Variants in SLC4A10 observed in about 807,000 individuals in gnomAD.
SLC4A10 encodes sodium-driven chloride bicarbonate exchanger.
In SLC4A10, 42 loss-of-function variants were observed where a neutral mutation model predicts 137.7. The observed-to-expected ratio is 0.30, with a 90% confidence interval of 0.24 to 0.39. SLC4A10 has a LOEUF of 0.39. Ranked by LOEUF, SLC4A10 falls within the 10% of genes least tolerant of loss-of-function variation. The pLI is 1.00. For missense variants in SLC4A10, 925 were observed against 1,355.0 expected, an observed-to-expected ratio of 0.68 and a Z score of 4.98; for synonymous variants, 474 against 464.1, an observed-to-expected ratio of 1.02 and a Z score of -0.27.
At chr2:161,720,738 T>A (rs1401078132) in intron 1 of SLC4A10, among the ~76,000 whole-genome samples, 2 of 152,202 alleles carry the variant, frequency 1.3e-5, no homozygotes, top group East Asian at 3.9e-4. Context: ...TTGGTAAATT[T>A]TCCTCCATCC....
chr2:161,945,182 G>GTGTGTATATATA (rs1185711774), intron 16 of SLC4A10, among the ~76,000 whole-genome samples: 1 of 88,856 alleles, frequency 1.1e-5, no homozygotes, highest in Non-Finnish European at 2.1e-5. Flanking sequence ...AAGTTTGTGT[G>GTGTGTATATATA]TATATATATA....
chr2:161,689,170 TAAGA>T (rs1386174207), intron 1 of SLC4A10, among the ~76,000 whole-genome samples: 1 of 152,138 alleles, frequency 6.6e-6, no homozygotes, highest in Non-Finnish European at 1.5e-5. Context: ...AAGCTAAGGT[TAAGA>T]AAGAAAGAGT....
At chr2:161,939,685 G>A (rs2105735270) in intron 15 of SLC4A10, among the ~76,000 whole-genome samples, 1 of 151,632 alleles carries the variant, frequency 6.6e-6, no homozygotes, top group African/African-American at 2.4e-5. Context: ...TGTAACCATG[G>A]GTAAGTGTTA....
At chr2:161,839,100 C>T (rs1353676218) in intron 3 of SLC4A10, among the ~76,000 whole-genome samples, 2 of 152,226 alleles carry the variant, frequency 1.3e-5, no homozygotes, top group Admixed American at 6.5e-5. Flanking sequence ...AAGAGTGGTA[C>T]ATTCCTGCAA....
At chr2:161,976,434 T>C (rs997425431) in intron 24 of SLC4A10, among the ~76,000 whole-genome samples, 3 of 152,168 alleles carry the variant, frequency 2.0e-5, no homozygotes, top group Admixed American at 6.5e-5. Flanking sequence ...AGTGGAATTA[T>C]AGTTGCCAGG....
intron 1 of SLC4A10, among the ~76,000 whole-genome samples, chr2:161,665,902 G>A (rs1279890249): frequency 6.7e-6 from 1 of 148,360 alleles, no homozygotes; most frequent in African/African-American, 2.5e-5. Context: ...TCAAATTCAG[G>A]TCTTTTTGTG....
intron 1 of SLC4A10, among the ~76,000 whole-genome samples, chr2:161,647,287 C>T (rs935086525): frequency 6.6e-6 from 1 of 151,974 alleles, no homozygotes; most frequent in African/African-American, 2.4e-5. Context: ...TCAGGTATTT[C>T]AGCCTGTCAG....
intron 1 of SLC4A10, among the ~76,000 whole-genome samples, chr2:161,658,050 A>G (rs547366188): frequency 6.6e-6 from 1 of 152,160 alleles, no homozygotes; most frequent in Non-Finnish European, 1.5e-5. Flanking sequence ...GACACAATTT[A>G]TCACTTATTT....
rs1576019758 is a variant in SLC4A10, at chr2:161,985,255, C to T, written c.*2103C>T. The T allele has an allele frequency of 6.6e-6, 1 of 152,100 alleles. No individual in the cohort carries two copies. The highest frequency in any genetic ancestry group is 1.5e-5 in the Non-Finnish European group (1 of 67,910). 9.4% of individuals were successfully genotyped at this position (152,100 alleles called of 1,614,324 possible). A position where few individuals can be genotyped will look rare whatever the true frequency, so the allele number is the denominator to read the frequency against. On this transcript the variant is annotated 3_prime_UTR_variant, in exon 27 of 27. Coordinates refer to ENST00000446997, the MANE Select transcript of SLC4A10 (RefSeq NM_001178015.2). ...TGGAAATAAATATTTATCCTAACTT[C>T]CTTGCACATTTTAAATTGTGATACA...
intron 19 of SLC4A10, among the ~76,000 whole-genome samples, chr2:161,953,604 T>C (rs1695167595): frequency 6.8e-6 from 1 of 146,790 alleles, no homozygotes; most frequent in African/African-American, 2.6e-5. Flanking sequence ...TGAGACTCCG[T>C]CTCAAAAAAA....
Position 161,785,039 on chromosome 2 carries a change from T to C in SLC4A10, c.130+13985T>C, listed in dbSNP as rs191826508. On this transcript the variant is annotated intron_variant, in intron 2 of 26. Coordinates refer to ENST00000446997, the MANE Select transcript of SLC4A10 (RefSeq NM_001178015.2). Reference sequence around the variant, plus strand: ...AGGATTCAAATAAATATAAATCATATATTAAAGAGGAGGTATTACCACTGA... The same window carrying C: ...AGGATTCAAATAAATATAAATCATACATTAAAGAGGAGGTATTACCACTGA... Among the ~76,000 whole-genome samples the C allele has an allele frequency of 1.1e-4, 16 of 151,488 alleles. No homozygotes were observed. The East Asian group carries it at 2.9e-3, about 28-fold the overall frequency.
intron 1 of SLC4A10, among the ~76,000 whole-genome samples, chr2:161,682,409 A>G (rs1287604402): frequency 1.3e-5 from 2 of 152,162 alleles, no homozygotes; most frequent in Non-Finnish European, 2.9e-5. Flanking sequence ...TAAGTATTGC[A>G]GGTAAAGGGA....
chr2:161,836,538 A>AAGAAAGAAAGAGAGAGAGAG (rs1559358986), intron 3 of SLC4A10, among the ~76,000 whole-genome samples: 2 of 10,572 alleles, frequency 1.9e-4, no homozygotes, highest in South Asian at 0.011. Context: ...GAGAGAAAGA[A>AAGAAAGAAAGAGAGAGAGAG]AGAAAGAAAG....
intron 1 of SLC4A10, among the ~76,000 whole-genome samples, chr2:161,726,132 C>T (rs1026192870): frequency 6.6e-6 from 1 of 151,890 alleles, no homozygotes; most frequent in Non-Finnish European, 1.5e-5. Context: ...TGCTTTAGGG[C>T]AACAAAAAGG....
At chr2:161,644,833 T>C (rs2035811125) in intron 1 of SLC4A10, among the ~76,000 whole-genome samples, 1 of 152,160 alleles carries the variant, frequency 6.6e-6, no homozygotes. Context: ...TTCTATCCAC[T>C]ATTTTTCAAG....
chr2:161,871,424 T>C (rs2061115221), intron 6 of SLC4A10, among the ~76,000 whole-genome samples: 1 of 151,982 alleles, frequency 6.6e-6, no homozygotes, highest in Non-Finnish European at 1.5e-5. Context: ...GGGGAGATGT[T>C]TAATTTTCAT....
At chr2:161,765,575 A>C (rs1358020694) in intron 1 of SLC4A10, among the ~76,000 whole-genome samples, 1 of 149,360 alleles carries the variant, frequency 6.7e-6, no homozygotes, top group African/African-American at 2.5e-5. Flanking sequence ...AGATCATGCC[A>C]CTGTACTCCA....
Position 161,903,086 on chromosome 2 carries a change from T to C in SLC4A10, c.1443-918T>C, listed in dbSNP as rs147034788. ...TAAGTCTGCGTATTGTTATTAAATG[T>C]TCATAAAATGAGAATACCTACTTAT... On this transcript the variant is annotated intron_variant, in intron 12 of 26. Coordinates refer to ENST00000446997, the MANE Select transcript of SLC4A10 (RefSeq NM_001178015.2). 4.1e-3 allele frequency among the ~76,000 whole-genome samples: 632 copies of C among 152,308 alleles called. 4 individuals carry two copies. Among genetic ancestry groups the C allele is most frequent in the Middle Eastern group, 0.01 (3 of 294 alleles).
chr2:161,633,232 G>A (rs2033874845), intron 1 of SLC4A10, among the ~76,000 whole-genome samples: 1 of 151,698 alleles, frequency 6.6e-6, no homozygotes, highest in African/African-American at 2.4e-5. Context: ...AGGTTGAGAA[G>A]CATCCATATG....
Sources: gnomAD v4.1 joint callset for allele counts (sites outside exome capture counted in the v4.1 genomes callset) on GRCh38, gnomAD v4.1.1 for gene constraint, MANE v1.5 for transcripts, NCBI Gene and HGNC (gene_info 2026-07-23, HGNC 2026-07-21) for gene names.